MSRA: variants seen among roughly 807,000 people sequenced by gnomAD.
The protein encoded by MSRA is methionine sulfoxide reductase A.
In MSRA, 54 loss-of-function variants were observed where a neutral mutation model predicts 31.3. That is an observed-to-expected ratio of 1.73 (90% CI 1.39 to 2.17). MSRA has a LOEUF of 2.17. Ranked by LOEUF, MSRA falls within the 30% of genes most tolerant of loss-of-function variation. The pLI is 0.00. For synonymous variants in MSRA, 169 were observed against 116.5 expected, an observed-to-expected ratio of 1.45 and a Z score of -2.90; for missense variants, 507 against 300.9, an observed-to-expected ratio of 1.69 and a Z score of -5.07.
chr8:10,160,069 T>C (rs1014694391), intron 1 of MSRA, among the ~76,000 whole-genome samples: 2 of 152,218 alleles, frequency 1.3e-5, no homozygotes, highest in Non-Finnish European at 2.9e-5. Flanking sequence ...CTTCTTTTCA[T>C]TTTTTACACT....
chr8:10,321,681 T>G (rs1368167072), intron 5 of MSRA, among the ~76,000 whole-genome samples: 1 of 152,204 alleles, frequency 6.6e-6, no homozygotes, highest in Non-Finnish European at 1.5e-5. Flanking sequence ...GTGAAAACTC[T>G]CTGTTACCGC....
intron 5 of MSRA, among the ~76,000 whole-genome samples, chr8:10,376,081 C>A (rs745391709): frequency 6.6e-6 from 1 of 152,136 alleles, no homozygotes; most frequent in South Asian, 2.1e-4. Context: ...TTTGGTTCAG[C>A]CTTCTCTTAG....
intron 5 of MSRA, among the ~76,000 whole-genome samples, chr8:10,324,475 G>T (rs547505119): frequency 1.3e-5 from 2 of 152,294 alleles, no homozygotes; most frequent in Admixed American, 1.3e-4. Flanking sequence ...CCATCAGAGT[G>T]CTGCACCGGG....
chr8:10,088,541 C>A (rs1798685881), intron 1 of MSRA, among the ~76,000 whole-genome samples: 1 of 152,132 alleles, frequency 6.6e-6, no homozygotes, highest in South Asian at 2.1e-4. Flanking sequence ...TCGAGACCAG[C>A]CCAGCCAACA....
At chr8:10,092,163 T>C (rs1798891745) in intron 1 of MSRA, among the ~76,000 whole-genome samples, 1 of 152,198 alleles carries the variant, frequency 6.6e-6, no homozygotes, top group African/African-American at 2.4e-5. Context: ...CTCTAGTCTT[T>C]ATTATTTCTT....
intron 1 of MSRA, among the ~76,000 whole-genome samples, chr8:10,160,735 G>A (rs116595946): frequency 0.023 from 3,469 of 152,006 alleles, 121 homozygotes; most frequent in African/African-American, 0.079. Flanking sequence ...TCACCATCTT[G>A]GCCAGGCAGA....
intron 5 of MSRA, among the ~76,000 whole-genome samples, chr8:10,331,927 C>T (rs551719799): frequency 1.1e-3 from 166 of 151,954 alleles, no homozygotes; most frequent in Non-Finnish European, 2.0e-3. Flanking sequence ...TGGATGAATC[C>T]AAGCACGCAG....
chr8:10,161,538 A>G (rs968333202), intron 1 of MSRA, among the ~76,000 whole-genome samples: 13 of 152,196 alleles, frequency 8.5e-5, no homozygotes, highest in African/African-American at 2.9e-4. Context: ...CTAGAAAACA[A>G]TTTTGGGAAA....
chr8:10,226,689 A>C (rs1811029913), intron 2 of MSRA, among the ~76,000 whole-genome samples: 1 of 152,196 alleles, frequency 6.6e-6, no homozygotes. Context: ...ATGTGTGCAT[A>C]TATGAGTATA....
chr8:10,300,336 A>G (rs550439186), intron 3 of MSRA, among the ~76,000 whole-genome samples: 4 of 151,586 alleles, frequency 2.6e-5, no homozygotes, highest in East Asian at 1.9e-4. Flanking sequence ...GCTTACTGCA[A>G]CCTCCACCTC....
rs150958080 is a variant in MSRA, at chr8:10,200,724, G to T, written c.143-7109G>T. ...GCTATTGGGGGCAAAACCCACTCTT[G>T]GTTAACTTGCACCTTAAAACACCAT... On this transcript the variant is annotated intron_variant, in intron 1 of 5. Transcript: ENST00000317173. Among the ~76,000 whole-genome samples, 417 of 152,268 alleles carry T rather than the reference G, an allele frequency of 2.7e-3. 1 individual carries two copies. The highest frequency in any genetic ancestry group is 4.4e-3 in the Non-Finnish European group (299 of 68,014).
chr8:10,292,080 G>C (rs1800266764), intron 3 of MSRA, among the ~76,000 whole-genome samples: 3 of 152,218 alleles, frequency 2.0e-5, no homozygotes, highest in Non-Finnish European at 4.4e-5. Flanking sequence ...CGCATTAGCT[G>C]TGTCTAATAC....
chr8:10,205,516 C>A (rs1418438842), intron 1 of MSRA, among the ~76,000 whole-genome samples: 1 of 152,082 alleles, frequency 6.6e-6, no homozygotes, highest in Non-Finnish European at 1.5e-5. Context: ...GAGGAGATGT[C>A]AGATAGGGTG....
At position 10,236,098 on chromosome 8, in the gene MSRA, C is replaced by G. The variant is rs926523173; in HGVS notation, c.212-9006C>G. 2.0e-5 allele frequency among the ~76,000 whole-genome samples: 3 copies of G among 152,048 alleles called. No individual in the cohort carries two copies. The South Asian group carries it at 6.2e-4, about 32-fold the overall frequency. On this transcript the variant is annotated intron_variant, in intron 2 of 5. Transcript: ENST00000317173. Reference sequence around the variant, plus strand: ...AACTCATGCATGATAAAAAGCTTTTCAAAGTAAGAATGGAAGGAAACTTTC... The same window carrying G: ...AACTCATGCATGATAAAAAGCTTTTGAAAGTAAGAATGGAAGGAAACTTTC...
intron 1 of MSRA, among the ~76,000 whole-genome samples, chr8:10,171,851 T>C (rs1303266779): frequency 6.6e-6 from 1 of 152,248 alleles, no homozygotes; most frequent in African/African-American, 2.4e-5. Flanking sequence ...GTATTATTTC[T>C]GTTGTTTAGA....
At chr8:10,268,449 C>T (rs1277778807) in intron 3 of MSRA, among the ~76,000 whole-genome samples, 3 of 152,156 alleles carry the variant, frequency 2.0e-5, no homozygotes, top group Non-Finnish European at 2.9e-5. Flanking sequence ...CTTCTACTCC[C>T]GAGGTTAGGG....
At chr8:10,084,756 A>G (rs1171459008) in intron 1 of MSRA, among the ~76,000 whole-genome samples, 4 of 152,340 alleles carry the variant, frequency 2.6e-5, no homozygotes, top group African/African-American at 7.2e-5. Flanking sequence ...GCTAAATAAA[A>G]TTAGTTATTA....
rs554043861 is a variant in MSRA, at chr8:10,366,727, G to A, written c.543+46738G>A. Among the ~76,000 whole-genome samples the A allele has an allele frequency of 6.6e-5, 10 of 152,276 alleles. No homozygotes were observed. In the East Asian group the frequency reaches 1.2e-3, roughly 18 times the overall value. On this transcript the variant is annotated intron_variant, in intron 5 of 5. Transcript: ENST00000317173. Reference sequence around the variant, plus strand: ...GTCTGTCCATCCTGCTAGACTCCTCGTGGTCGGCGGCTGTCTTAACTGATC... The same window carrying A: ...GTCTGTCCATCCTGCTAGACTCCTCATGGTCGGCGGCTGTCTTAACTGATC...
intron 1 of MSRA, among the ~76,000 whole-genome samples, chr8:10,182,898 G>T (rs892892618): frequency 2.0e-5 from 3 of 152,200 alleles, no homozygotes; most frequent in Admixed American, 6.5e-5. Flanking sequence ...GTTACTCAAG[G>T]AGAAGGCTCT....
Sources: gnomAD v4.1 joint callset for allele counts (sites outside exome capture counted in the v4.1 genomes callset) on GRCh38, gnomAD v4.1.1 for gene constraint, MANE v1.5 for transcripts, NCBI Gene and HGNC (gene_info 2026-07-23, HGNC 2026-07-21) for gene names.